Variants in TRPM8 observed in about 807,000 individuals in gnomAD.
TRPM8 encodes the protein TRPM8 cationic channel.
In TRPM8, 110 loss-of-function variants were observed where a neutral mutation model predicts 133.7. That is an observed-to-expected ratio of 0.82 (90% CI 0.70 to 0.96). TRPM8 has a LOEUF of 0.96. Ranked by LOEUF, TRPM8 falls within the 40% of genes least tolerant of loss-of-function variation. TRPM8 has a pLI of 0.00. For missense variants in TRPM8, 1,291 were observed against 1,379.5 expected (o/e 0.94, Z 1.02); for synonymous variants, 535 against 532.3 (o/e 1.01, Z -0.07).
chr2:233,977,476 C>T (rs1028542715), intron 17 of TRPM8, among the ~76,000 whole-genome samples: 5 of 152,206 alleles, frequency 3.3e-5, no homozygotes, highest in South Asian at 2.1e-4. Flanking sequence ...GCAAGTCTCC[C>T]GGGCTGAGGT....
chr2:233,959,283 C>T lies in TRPM8; in HGVS notation c.1363-1493C>T, dbSNP rs570134763. Among the ~76,000 whole-genome samples, 23 of 151,784 alleles carry T rather than the reference C, an allele frequency of 1.5e-4. No individual in the cohort carries two copies. In the East Asian group the frequency reaches 4.5e-3, roughly 29 times the overall value. On this transcript the variant is annotated intron_variant, in intron 11 of 25. Transcript: ENST00000324695. ...TCAGGTGATCCACCCGCTTCAGCCT[C>T]CCAAAGTGCTGGGATTACAGGTGTG...
At chr2:233,961,089 G>A (rs200059416) in intron 12 of TRPM8, 23 bp downstream of exon 12, 20 of 1,604,062 alleles carry the variant, frequency 1.2e-5, no homozygotes, top group Admixed American at 3.4e-5. Flanking sequence ...AGAGTTGCCT[G>A]CTTGAGTTCT....
intron 1 of TRPM8, among the ~76,000 whole-genome samples, chr2:233,922,277 T>C (rs1466033654): frequency 6.6e-6 from 1 of 152,024 alleles, no homozygotes; most frequent in African/African-American, 2.4e-5. Context: ...ATAATCAACC[T>C]GGAAGGTCCT....
chr2:233,982,059 G>A (rs1692024460), intron 19 of TRPM8, 144 bp downstream of exon 19: 3 of 918,124 alleles, frequency 3.3e-6, no homozygotes, highest in Non-Finnish European at 4.7e-6. Context: ...ATTTCATCAG[G>A]GGCCTCTCCC....
chr2:233,928,766 A>G (rs1691621652), intron 2 of TRPM8, among the ~76,000 whole-genome samples: 1 of 152,192 alleles, frequency 6.6e-6, no homozygotes, highest in South Asian at 2.1e-4. Context: ...TGTGCCCACC[A>G]CCAGCTTGAG....
chr2:233,924,209 A>G (rs1691467028), intron 1 of TRPM8, among the ~76,000 whole-genome samples: 1 of 152,212 alleles, frequency 6.6e-6, no homozygotes, highest in Non-Finnish European at 1.5e-5. Context: ...CATGCTGGGC[A>G]TGGACATCCC....
chr2:233,939,398 T>C (rs1690848013), intron 5 of TRPM8, among the ~76,000 whole-genome samples: 1 of 152,228 alleles, frequency 6.6e-6, no homozygotes, highest in Non-Finnish European at 1.5e-5. Context: ...AGCGTTAAGG[T>C]GCTTCCTTAG....
chr2:233,958,120 A>T (rs1691336351), intron 11 of TRPM8, among the ~76,000 whole-genome samples: 1 of 152,194 alleles, frequency 6.6e-6, no homozygotes, highest in Non-Finnish European at 1.5e-5. Flanking sequence ...CACAACATGG[A>T]TGATCCCCTT....
Position 233,985,841 on chromosome 2 carries a change from T to G in TRPM8, c.2915T>G (p.Val972Gly), listed in dbSNP as rs780680561. The G allele has an allele frequency of 1.9e-6, 3 of 1,613,976 alleles. No homozygotes were observed. The African/African-American group carries it at 4.0e-5, about 22-fold the overall frequency. Residue 972 changes from valine (V) to glycine (G), a missense_variant, in exon 21 of 26, where the codon GTC becomes GGC. Val to Gly is a moderately radical substitution (Grantham distance 109, BLOSUM62 -3). This residue lies in a region of TRPM8 where 328 missense variants were observed against 410.6 expected (regional missense o/e 0.80). Transcript: ENST00000324695. ...IYMLSTNILL[V>G]NLLVAMFGYT... is the part of the protein sequence containing the mutation. ...ATGTTATCCACCAACATCCTGCTGG[T>G]CAACCTGCTGGTCGCCATGTTTGGG...
intron 1 of TRPM8, among the ~76,000 whole-genome samples, chr2:233,917,767 A>G (rs1470030418): frequency 6.6e-6 from 1 of 152,228 alleles, no homozygotes; most frequent in Non-Finnish European, 1.5e-5. Context: ...ATTCACTGGC[A>G]TCTGAACTCT....
At position 233,927,936 on chromosome 2, in the gene TRPM8, C is replaced by CTCTCTT. The variant is rs1559516723; in HGVS notation, c.117+1287_117+1288insTTCTCT. 3.9e-4 allele frequency among the ~76,000 whole-genome samples: 22 copies of CTCTCTT among 55,786 alleles called. 1 individual carries two copies. Among genetic ancestry groups the CTCTCTT allele is most frequent in the African/African-American group, 3.6e-3 (20 of 5,574 alleles). The allele number at this position is 55,786 out of a possible 152,430, so 36.6% of individuals were successfully genotyped here. On this transcript the variant is annotated intron_variant, in intron 2 of 25. Transcript: ENST00000324695. Reference sequence around the variant, plus strand: ...TCTCTCTCTCTCTTTCTCTCTCTCTCTCTCTCTCTCTCTCTCTCTCTCTCT... The same window carrying CTCTCTT: ...TCTCTCTCTCTCTTTCTCTCTCTCTCTCTCTTTCTCTCTCTCTCTCTCTCTCTCTCT...
intron 5 of TRPM8, among the ~76,000 whole-genome samples, chr2:233,941,140 A>G (rs931513167): frequency 1.3e-5 from 2 of 152,218 alleles, no homozygotes; most frequent in African/African-American, 2.4e-5. Context: ...ACTTTAAGCA[A>G]CTATTATCAT....
At chr2:233,954,295 A>G (rs1259383641) in intron 10 of TRPM8, among the ~76,000 whole-genome samples, 1 of 152,234 alleles carries the variant, frequency 6.6e-6, no homozygotes, top group Non-Finnish European at 1.5e-5. Context: ...ACAGTGGTTG[A>G]AAATAATTTT....
intron 6 of TRPM8, among the ~76,000 whole-genome samples, chr2:233,944,639 A>C (rs979735216): frequency 6.6e-6 from 1 of 152,250 alleles, no homozygotes; most frequent in Non-Finnish European, 1.5e-5. Flanking sequence ...ATAATCATAG[A>C]TAACTTAGAA....
At chr2:233,950,224 A>T in intron 9 of TRPM8, 78 bp downstream of exon 9, 2 of 1,370,362 alleles carry the variant, frequency 1.5e-6, no homozygotes, top group Non-Finnish European at 1.0e-6. Context: ...TAAACGCCCA[A>T]CTCCACCAGC....
rs200303251 is a variant in TRPM8, at chr2:233,950,109, G to A, written c.1103G>A (p.Arg368Gln). The change falls in exon 9 of 26, where the codon CGG becomes CAG. Residue 368 changes from arginine (R) to glutamine (Q), a missense_variant. Physicochemically the swap from Arg to Gln is conservative, Grantham distance 43. Coordinates refer to ENST00000324695, the MANE Select transcript of TRPM8 (RefSeq NM_024080.5). ...LVRFLPRTVSRLPEEETESWI... is the reference protein window; with the variant it reads ...LVRFLPRTVSQLPEEETESWI... ...CGCTTTTTACCCCGCACGGTGTCCC[G>A]GCTGCCTGAGGAGGAGACTGAGAGT... 3.2e-5 allele frequency: 51 copies of A among 1,613,342 alleles called. No homozygotes were observed. The Admixed American group carries it at 3.2e-4, about 10-fold the overall frequency.
At chr2:233,970,483 T>C in intron 17 of TRPM8, 57 bp downstream of exon 17, 2 of 1,515,322 alleles carry the variant, frequency 1.3e-6, no homozygotes, top group Non-Finnish European at 1.8e-6. Flanking sequence ...GGCATCTTTC[T>C]AAAGCCAAGA....
At position 233,942,647 on chromosome 2, in the gene TRPM8, A is replaced by G. The variant is rs1351772218; in HGVS notation, c.598A>G (p.Thr200Ala). 2 of 1,614,058 alleles carry G rather than the reference A, an allele frequency of 1.2e-6. No homozygotes were observed. Among genetic ancestry groups the G allele is most frequent in the Non-Finnish European group, 1.7e-6 (2 of 1,180,042 alleles). ...CATCGGGGAGGTGGTGAGAGATAAC[A>G]CCATCAGCAGGAGTTCAGAGGAGAA... ...KYIGEVVRDN[T>A]ISRSSEENIV... The change falls in exon 6 of 26, where the codon ACC becomes GCC. Residue 200 changes from threonine to alanine, a missense_variant. Thr to Ala is a moderately conservative substitution (Grantham distance 58, BLOSUM62 0). Around this residue, in one of 2 missense-constraint regions of TRPM8, gnomAD observed 963 missense variants for 968.9 expected, o/e 0.99. Transcript: ENST00000324695.
chr2:234,018,245 T>C lies in TRPM8; in HGVS notation c.*989T>C, dbSNP rs1027497527. ...ATCAAATATGTTTTTATTATATTCA[T>C]AGCCTTCTTAAACATTATATCAATA... On this transcript the variant is annotated 3_prime_UTR_variant, in exon 26 of 26. Coordinates refer to ENST00000324695, the MANE Select transcript of TRPM8 (RefSeq NM_024080.5). 2.0e-5 allele frequency: 3 copies of C among 152,066 alleles called. No homozygotes were observed. Among genetic ancestry groups the C allele is most frequent in the Non-Finnish European group, 2.9e-5 (2 of 68,008 alleles). 9.4% of individuals were successfully genotyped at this position (152,066 alleles called of 1,614,324 possible).
Sources: allele counts gnomAD v4.1 joint callset (sites outside exome capture counted in the v4.1 genomes callset), GRCh38; gene constraint gnomAD v4.1.1; regional missense constraint gnomAD v4.1.1; transcripts MANE v1.5; gene names NCBI Gene and HGNC (gene_info 2026-07-23, HGNC 2026-07-21).